Variants in MAGI1 observed in about 807,000 individuals in gnomAD.
MAGI1 encodes the protein membrane-associated guanylate kinase, WW and PDZ domain-containing protein 1.
In MAGI1, 58 loss-of-function variants were observed where a neutral mutation model predicts 139.9. The observed-to-expected ratio is 0.41, with a 90% CI of 0.34 to 0.52. MAGI1 has a LOEUF of 0.52. Among genes scored for constraint, MAGI1 ranks in the 20% least tolerant of loss-of-function variants. The probability of loss-of-function intolerance (pLI) is 0.12; values close to 1 mark genes in which losing one functional copy is unlikely to be tolerated. For synonymous variants in MAGI1, 812 were observed against 737.9 expected, an observed-to-expected ratio of 1.10 and a Z score of -1.63; for missense variants, 1,874 against 1,901.6, an observed-to-expected ratio of 0.99 and a Z score of 0.27.
Position 65,756,101 on chromosome 3 carries a change from G to A in MAGI1, c.314-134013C>T, listed in dbSNP as rs113696235. Among the ~76,000 whole-genome samples the A allele has an allele frequency of 5.2e-3, 791 of 152,236 alleles. 9 individuals are homozygous for A. Among genetic ancestry groups the A allele is most frequent in the African/African-American group, 0.018 (729 of 41,528 alleles). On this transcript the variant is annotated intron_variant, in intron 1 of 22. Coordinates refer to ENST00000402939, the MANE Select transcript of MAGI1 (RefSeq NM_001033057.2). ...TCGTGAAGTTAAAAATTATCGTGTC[G>A]GGGCTTATAGACTTCTCTCTTTTCC...
At position 65,379,498 on chromosome 3, in the gene MAGI1, G is replaced by C. The variant is rs768067706; in HGVS notation, c.2758C>G (p.Gln920Glu). The C allele has an allele frequency of 6.2e-7, 1 of 1,613,904 alleles. No homozygotes were observed. Among genetic ancestry groups the C allele is most frequent in the Non-Finnish European group, 8.5e-7 (1 of 1,179,848 alleles). ...SPASSHHSSN[Q>E]PASLTEEKRT... ...TTCTCTTCTGTCAGCGAGGCCGGCT[G>C]GTTGCTACTGTGATGAGAGGAGGCT... Residue 920 changes from glutamine to glutamate, a missense_variant, in exon 17 of 23, where the codon CAG (glutamine) becomes GAG (glutamate). Transcript: ENST00000402939.
rs561470619 is a variant in MAGI1 at position 65,562,372 on chromosome 3, G to GT, written c.430+59599_430+59600insA. ...CATTGTAGAATGCATTTTGAATTCT[G>GT]AAATATTAAAATGTAGAACACTATG... is the stretch of plus-strand genomic sequence containing the variant. On this transcript the variant is annotated intron_variant, in intron 2 of 22. Transcript: ENST00000402939. Among the ~76,000 whole-genome samples the GT allele has an allele frequency of 4.4e-4, 67 of 152,296 alleles. 1 individual carries two copies. Among genetic ancestry groups the GT allele is most frequent in the African/African-American group, 1.6e-3 (65 of 41,576 alleles).
rs773392451 is a variant in MAGI1 at position 65,442,785 on chromosome 3, C to A, written c.1136+7G>T. On this transcript the variant is annotated splice_region_variant and intron_variant, in intron 8 of 22. Transcript: ENST00000402939. ...AACTAATGTGTGGATTGTGAATGGG[C>A]ACTTACTCTACATAGTAGATACCAT... The A allele has an allele frequency of 1.2e-6, 2 of 1,607,626 alleles. No homozygotes were observed. The highest frequency in any genetic ancestry group is 1.7e-6 in the Non-Finnish European group (2 of 1,174,752).
chr3:65,442,400 T>C (rs1323617490), intron 8 of MAGI1, among the ~76,000 whole-genome samples: 9 of 152,164 alleles, frequency 5.9e-5, no homozygotes, highest in African/African-American at 2.2e-4. Context: ...CAGATCTGGG[T>C]AGAGCAAAAA....
chr3:65,377,537 TAGA>T (rs1454977876), intron 17 of MAGI1, among the ~76,000 whole-genome samples: 1 of 152,248 alleles, frequency 6.6e-6, no homozygotes, highest in Non-Finnish European at 1.5e-5. Flanking sequence ...TATTTCTTTC[TAGA>T]AGGTGAAACT....
intron 5 of MAGI1, among the ~76,000 whole-genome samples, chr3:65,455,028 A>C (rs1050053958): frequency 5.3e-5 from 8 of 152,228 alleles, no homozygotes; most frequent in Non-Finnish European, 8.8e-5. Context: ...TTGCACTAGA[A>C]TCCACAGTCT....
chr3:65,359,527 A>G (rs1424161358), intron 22 of MAGI1: 1 of 841,566 alleles, frequency 1.2e-6, no homozygotes, highest in African/African-American at 1.9e-5. Flanking sequence ...CACCCCCACC[A>G]AAGACCGCGG....
In MAGI1 at chr3:65,453,331, C is replaced by T. The variant is rs267599924; in HGVS notation, c.969G>A (p.Thr323=). 4.3e-5 allele frequency: 69 copies of T among 1,600,460 alleles called. No homozygotes were observed. Among genetic ancestry groups the T allele is most frequent in the Non-Finnish European group, 5.9e-5 (69 of 1,173,986 alleles). ...NGEVYFIDHN[T]KTTSWLDPRC... The stretch of plus-strand genomic sequence containing the variant: ...GAGGGTCTAACCAAGATGTTGTTTT[C>T]GTGTTATGGCTGCAATCCAGAAACA... Residue 323 remains threonine (T), a synonymous_variant, in exon 6 of 23, where the codon ACG becomes ACA. Coordinates refer to ENST00000402939, the MANE Select transcript of MAGI1 (RefSeq NM_001033057.2).
intron 1 of MAGI1, among the ~76,000 whole-genome samples, chr3:65,689,776 C>T (rs1360958154): frequency 6.6e-6 from 1 of 152,222 alleles, no homozygotes; most frequent in Non-Finnish European, 1.5e-5. Flanking sequence ...TCTAACTAAC[C>T]TAATTAGCTG....
intron 14 of MAGI1, among the ~76,000 whole-genome samples, chr3:65,384,847 A>T (rs561109180): frequency 6.6e-6 from 1 of 152,204 alleles, no homozygotes; most frequent in East Asian, 1.9e-4. Context: ...GGATTTAAGC[A>T]TCCATGGATT....
chr3:65,913,349 G>C (rs2061752895), intron 1 of MAGI1, among the ~76,000 whole-genome samples: 1 of 152,132 alleles, frequency 6.6e-6, no homozygotes. Flanking sequence ...TGACAAAATT[G>C]CATTTAGATG....
chr3:65,674,720 C>T (rs959558787), intron 1 of MAGI1, among the ~76,000 whole-genome samples: 2 of 152,246 alleles, frequency 1.3e-5, no homozygotes, highest in Middle Eastern at 3.4e-3. Flanking sequence ...TTGAAGGTTG[C>T]CCACTATGCA....
chr3:65,483,381 T>C (rs1359002898), intron 3 of MAGI1, among the ~76,000 whole-genome samples: 1 of 152,168 alleles, frequency 6.6e-6, no homozygotes, highest in Non-Finnish European at 1.5e-5. Flanking sequence ...ACTCTAACCT[T>C]CCAGAAAGTA....
chr3:65,909,315 A>C (rs566360091), intron 1 of MAGI1, among the ~76,000 whole-genome samples: 2 of 152,174 alleles, frequency 1.3e-5, no homozygotes, highest in South Asian at 4.2e-4. Context: ...ACTTGAGCCC[A>C]GGAGTTCAAG....
chr3:65,498,721 G>T, intron 2 of MAGI1, among the ~76,000 whole-genome samples: 1 of 152,140 alleles, frequency 6.6e-6, no homozygotes, highest in Non-Finnish European at 1.5e-5. Flanking sequence ...AACCATCACT[G>T]TCTGATGGAA....
chr3:65,471,454 G>C (rs1950555751), intron 4 of MAGI1, among the ~76,000 whole-genome samples: 1 of 152,194 alleles, frequency 6.6e-6, no homozygotes, highest in African/African-American at 2.4e-5. Context: ...TCTCTGATGA[G>C]AAGCTCCCAA....
At chr3:65,769,605 T>G (rs926625592) in intron 1 of MAGI1, among the ~76,000 whole-genome samples, 2 of 152,188 alleles carry the variant, frequency 1.3e-5, no homozygotes, top group Non-Finnish European at 2.9e-5. Context: ...TTCAAGGTGA[T>G]GGACATGCAA....
chr3:65,812,445 T>TTCTCTCTCTCTCTC (rs530333757), intron 1 of MAGI1, among the ~76,000 whole-genome samples: 1 of 130,596 alleles, frequency 7.7e-6, no homozygotes, highest in Non-Finnish European at 1.7e-5. Context: ...CTCTCTCTCT[T>TTCTCTCTCTCTCTC]TCTCTCTCTC....
At chr3:65,596,462 G>A (rs12638335) in intron 2 of MAGI1, among the ~76,000 whole-genome samples, 106,883 of 152,126 alleles carry the variant, frequency 0.7, 37,816 homozygotes, top group East Asian at 0.91. Flanking sequence ...TTGATTCTCA[G>A]TTGACAGGGT....
Sources: allele counts gnomAD v4.1 joint callset (sites outside exome capture counted in the v4.1 genomes callset), GRCh38; gene constraint gnomAD v4.1.1; transcripts MANE v1.5; gene names NCBI Gene and HGNC (gene_info 2026-07-23, HGNC 2026-07-21).